Variants in PRDM5 observed in about 807,000 individuals in gnomAD.
PRDM5 encodes PR/SET domain 5.
PRDM5 carries 56 observed loss-of-function variants against 81.2 expected under a neutral mutation model. The observed-to-expected ratio is 0.69, with a 90% confidence interval of 0.56 to 0.86. The LOEUF is 0.86. Among genes scored for constraint, PRDM5 ranks in the 40% least tolerant of loss-of-function variants. PRDM5 has a pLI of 0.00. For synonymous variants in PRDM5, 267 were observed against 256.4 expected, an observed-to-expected ratio of 1.04 and a Z score of -0.39; for missense variants, 697 against 770.1, an observed-to-expected ratio of 0.91 and a Z score of 1.12.
intron 7 of PRDM5, among the ~76,000 whole-genome samples, chr4:120,813,159 C>G (rs1295666986): frequency 6.6e-6 from 1 of 152,138 alleles, no homozygotes; most frequent in Non-Finnish European, 1.5e-5. Context: ...TTTACAGTAG[C>G]TCATTTCATA....
At chr4:120,711,464 A>ATTTTTT (rs5861485) in intron 14 of PRDM5, among the ~76,000 whole-genome samples, 2 of 134,368 alleles carry the variant, frequency 1.5e-5, no homozygotes, top group African/African-American at 2.8e-5. Context: ...ATACCCAGCT[A>ATTTTTT]TTTTTTTTTT....
chr4:120,853,910 ACTG>A (rs966808420), intron 2 of PRDM5, among the ~76,000 whole-genome samples: 4 of 152,146 alleles, frequency 2.6e-5, no homozygotes, highest in African/African-American at 4.8e-5. Context: ...GAAGGGTCAT[ACTG>A]CTTATTTCCC....
chr4:120,893,321 GT>G (rs1186512165), intron 2 of PRDM5, among the ~76,000 whole-genome samples: 2 of 152,162 alleles, frequency 1.3e-5, no homozygotes, highest in African/African-American at 2.4e-5. Flanking sequence ...TCTACTCTCT[GT>G]GTCTCCCTGC....
intron 14 of PRDM5, among the ~76,000 whole-genome samples, chr4:120,751,531 TTAAC>T (rs200444837): frequency 0.013 from 2,022 of 151,370 alleles, 41 homozygotes; most frequent in Non-Finnish European, 0.014. Context: ...TTTCTGAAAT[TTAAC>T]TAAAGATAGC....
intron 14 of PRDM5, among the ~76,000 whole-genome samples, chr4:120,723,922 A>C (rs1739010813): frequency 1.1e-5 from 1 of 94,406 alleles, no homozygotes; most frequent in Non-Finnish European, 2.0e-5. Context: ...AGATAGCTTG[A>C]ATTTTTTTTT....
intron 2 of PRDM5, among the ~76,000 whole-genome samples, chr4:120,879,918 T>C (rs891001666): frequency 6.6e-6 from 1 of 152,148 alleles, no homozygotes; most frequent in Non-Finnish European, 1.5e-5. Flanking sequence ...GCAGTGAAAC[T>C]ATTCTATATG....
Position 120,839,131 on chromosome 4 carries a change from G to C in PRDM5, c.300+14287C>G, listed in dbSNP as rs1011902831. The C allele has an allele frequency of 1.8e-5, 12 of 666,830 alleles. No homozygotes were observed. In the African/African-American group the frequency reaches 2.1e-4, roughly 12 times the overall value. The allele number at this position is 666,830 out of a possible 1,614,324, so 41.3% of individuals were successfully genotyped here. The stretch of plus-strand genomic sequence containing the variant: ...AGGAGTCACAGCCCTGGCTTGGGGA[G>C]CTCCCAGGTCTGGGATCCCTGAAAG... On this transcript the variant is annotated intron_variant, in intron 3 of 15. Coordinates refer to ENST00000264808, the MANE Select transcript of PRDM5 (RefSeq NM_018699.4).
intron 2 of PRDM5, among the ~76,000 whole-genome samples, chr4:120,878,480 G>A (rs1318566057): frequency 1.3e-5 from 2 of 152,046 alleles, no homozygotes; most frequent in African/African-American, 2.4e-5. Context: ...AATGACATAG[G>A]AAAATATCTA....
chr4:120,799,071 T>C (rs972918463), intron 9 of PRDM5, among the ~76,000 whole-genome samples: 14 of 152,190 alleles, frequency 9.2e-5, no homozygotes, highest in Admixed American at 9.2e-4. Context: ...TCTTAAACTC[T>C]AGAGACTCCA....
At position 120,870,481 on chromosome 4, in the gene PRDM5, G is replaced by A. The variant is rs79098917; in HGVS notation, c.178-16941C>T. Among the ~76,000 whole-genome samples, 1,359 of 152,216 alleles carry A rather than the reference G, an allele frequency of 8.9e-3. 22 individuals carry two copies. Among genetic ancestry groups the A allele is most frequent in the African/African-American group, 0.031 (1,297 of 41,530 alleles). ...GAGGTGGGGGAACAGCCACCTAGTGGGGGGTGGGGGAAAAACCTCACCTGC... is the reference window on the plus strand; with the variant it reads ...GAGGTGGGGGAACAGCCACCTAGTGAGGGGTGGGGGAAAAACCTCACCTGC... On this transcript the variant is annotated intron_variant, in intron 2 of 15. Coordinates refer to ENST00000264808, the MANE Select transcript of PRDM5 (RefSeq NM_018699.4).
chr4:120,889,416 G>A (rs1763807900), intron 2 of PRDM5, among the ~76,000 whole-genome samples: 1 of 151,892 alleles, frequency 6.6e-6, no homozygotes, highest in South Asian at 2.1e-4. Context: ...TTATAAATCT[G>A]GTTGTATAAG....
downstream of PRDM5, among the ~76,000 whole-genome samples, chr4:120,687,686 T>C (rs773869273): frequency 8.5e-5 from 13 of 152,162 alleles, no homozygotes; most frequent in Non-Finnish European, 1.8e-4. Flanking sequence ...TTAGTTGCCA[T>C]TGTAACAGTA....
intron 13 of PRDM5, among the ~76,000 whole-genome samples, chr4:120,757,631 C>T (rs1448571650): frequency 6.6e-6 from 1 of 152,148 alleles, no homozygotes; most frequent in African/African-American, 2.4e-5. Flanking sequence ...CAGGCATCAT[C>T]CAATCCATTG....
intron 2 of PRDM5, among the ~76,000 whole-genome samples, chr4:120,855,735 A>G (rs761262587): frequency 1.1e-4 from 16 of 152,230 alleles, no homozygotes; most frequent in Non-Finnish European, 1.9e-4. Context: ...AATGCCACCT[A>G]ATACTTGAAA....
chr4:120,688,441 CTGAT>C (rs1733914293), downstream of PRDM5, among the ~76,000 whole-genome samples: 1 of 152,054 alleles, frequency 6.6e-6, no homozygotes, highest in African/African-American at 2.4e-5. Context: ...GCTTCTCACT[CTGAT>C]TATTTCATTT....
intron 8 of PRDM5, among the ~76,000 whole-genome samples, chr4:120,804,534 G>C (rs1752626934): frequency 1.3e-5 from 2 of 152,168 alleles, no homozygotes; most frequent in African/African-American, 4.8e-5. Flanking sequence ...CTAGAACTCA[G>C]CATTAAGAAA....
At chr4:120,775,290 A>C (rs919381252) in intron 13 of PRDM5, among the ~76,000 whole-genome samples, 2 of 152,136 alleles carry the variant, frequency 1.3e-5, no homozygotes, top group African/African-American at 4.8e-5. Flanking sequence ...TATCAGAGAG[A>C]ATTCTTGGAA....
chr4:120,750,167 G>T (rs768373068), intron 14 of PRDM5, among the ~76,000 whole-genome samples: 2 of 152,208 alleles, frequency 1.3e-5, no homozygotes, highest in Non-Finnish European at 2.9e-5. Flanking sequence ...GTAGCTAGTG[G>T]TTAGGACACT....
chr4:120,816,610 T>C, intron 6 of PRDM5, 36 bp from the exon 7 acceptor site: 1 of 1,613,538 alleles, frequency 6.2e-7, no homozygotes, highest in Admixed American at 1.7e-5. Flanking sequence ...CAGGAAGAAA[T>C]GGTGAAGACA....
Sources: gnomAD v4.1 joint callset for allele counts (sites outside exome capture counted in the v4.1 genomes callset) on GRCh38, gnomAD v4.1.1 for gene constraint, MANE v1.5 for transcripts, NCBI Gene and HGNC (gene_info 2026-07-23, HGNC 2026-07-21) for gene names.